Variants in SPAG16 observed in about 807,000 individuals in gnomAD.
The protein encoded by SPAG16 is sperm-associated antigen 16 protein.
Under a neutral mutation model 80.4 loss-of-function variants are expected in SPAG16, and 86 were observed. The observed-to-expected ratio is 1.07, with a 90% CI of 0.90 to 1.28. SPAG16 has a LOEUF of 1.28. Among genes scored for constraint, SPAG16 ranks in the 50% most tolerant of loss-of-function variants. The pLI is 0.00. For missense variants in SPAG16, 870 were observed against 765.3 expected (o/e 1.14, Z -1.61); for synonymous variants, 294 against 265.9 (o/e 1.11, Z -1.03).
At chr2:214,342,362 C>G (rs1188174174) in intron 15 of SPAG16, among the ~76,000 whole-genome samples, 1 of 152,154 alleles carries the variant, frequency 6.6e-6, no homozygotes, top group East Asian at 1.9e-4. Flanking sequence ...ACAGCTACTC[C>G]TGTATTTACA....
In SPAG16 at chr2:214,040,531, C is replaced by T. The variant is rs1004764434; in HGVS notation, c.1527+26454C>T. On this transcript the variant is annotated intron_variant, in intron 13 of 15. Coordinates refer to ENST00000331683, the MANE Select transcript of SPAG16 (RefSeq NM_024532.5). Reference sequence around the variant, plus strand: ...TTTAGCTCCCACTTATAAGTGAGAACATGTGGTATTTGGTTTTCTGTTCCT... The same window carrying T: ...TTTAGCTCCCACTTATAAGTGAGAATATGTGGTATTTGGTTTTCTGTTCCT... Among the ~76,000 whole-genome samples the T allele has an allele frequency of 2.6e-5, 4 of 152,116 alleles. No homozygotes were observed. In the South Asian group the frequency reaches 6.2e-4, roughly 24 times the overall value.
intron 13 of SPAG16, among the ~76,000 whole-genome samples, chr2:214,099,222 T>C (rs1238299044): frequency 6.6e-6 from 1 of 152,082 alleles, no homozygotes; most frequent in African/African-American, 2.4e-5. Flanking sequence ...GTGGTGACTT[T>C]TAAAATTCTC....
intron 15 of SPAG16, among the ~76,000 whole-genome samples, chr2:214,218,926 G>T (rs951145351): frequency 6.6e-6 from 1 of 152,140 alleles, no homozygotes; most frequent in Non-Finnish European, 1.5e-5. Flanking sequence ...TTGTTGAAAG[G>T]CTTGGGTTTT....
intron 11 of SPAG16, among the ~76,000 whole-genome samples, chr2:213,868,754 A>G (rs1189711971): frequency 1.3e-5 from 2 of 152,184 alleles, no homozygotes; most frequent in Non-Finnish European, 2.9e-5. Context: ...TCCCTGCCTG[A>G]GGCAGAAATA....
In SPAG16 at chr2:213,721,788, G is replaced by C. The variant is rs1574939998; in HGVS notation, c.1071-140697G>C. Among the ~76,000 whole-genome samples, 3 of 152,242 alleles carry C rather than the reference G, an allele frequency of 2.0e-5. 1 individual carries two copies. The South Asian group carries it at 6.2e-4, about 32-fold the overall frequency. ...TAATGTTGAAGTGCTAAGATTATCAGGGTATAATGCATTCATTATGTTAAT... is the reference window on the plus strand; with the variant it reads ...TAATGTTGAAGTGCTAAGATTATCACGGTATAATGCATTCATTATGTTAAT... On this transcript the variant is annotated intron_variant, in intron 10 of 15. Coordinates refer to ENST00000331683, the MANE Select transcript of SPAG16 (RefSeq NM_024532.5).
chr2:213,720,112 C>G (rs1025777377), intron 10 of SPAG16, among the ~76,000 whole-genome samples: 3 of 152,140 alleles, frequency 2.0e-5, no homozygotes, highest in Non-Finnish European at 4.4e-5. Flanking sequence ...CACATGTTCT[C>G]ACTCATAAGT....
At chr2:213,352,557 G>A (rs539558855) in intron 7 of SPAG16, among the ~76,000 whole-genome samples, 13 of 152,244 alleles carry the variant, frequency 8.5e-5, no homozygotes, top group African/African-American at 2.9e-4. Flanking sequence ...ATGGTTTAGT[G>A]GAAAGAGCTA....
chr2:214,181,441 G>A (rs1015075269), intron 15 of SPAG16, among the ~76,000 whole-genome samples: 5 of 151,688 alleles, frequency 3.3e-5, no homozygotes, highest in African/African-American at 7.3e-5. Flanking sequence ...AGCTTTAGAC[G>A]TAGCTTCCTA....
At chr2:213,765,608 T>C (rs1362755276) in intron 10 of SPAG16, among the ~76,000 whole-genome samples, 2 of 152,048 alleles carry the variant, frequency 1.3e-5, no homozygotes, top group Non-Finnish European at 2.9e-5. Context: ...TGTGTGTGTG[T>C]GTGTGTTATT....
At chr2:213,356,690 A>G (rs2065673977) in intron 7 of SPAG16, among the ~76,000 whole-genome samples, 1 of 152,124 alleles carries the variant, frequency 6.6e-6, no homozygotes. Flanking sequence ...TGATCTTTCA[A>G]AAAGCCAGCT....
intron 15 of SPAG16, among the ~76,000 whole-genome samples, chr2:214,375,798 T>A (rs879772058): frequency 7.3e-5 from 11 of 151,590 alleles, no homozygotes; most frequent in Non-Finnish European, 1.5e-4. Flanking sequence ...TTTTTTAACA[T>A]ATCTACAGTT....
chr2:213,633,425 C>T (rs1171062637), intron 10 of SPAG16, among the ~76,000 whole-genome samples: 2 of 152,052 alleles, frequency 1.3e-5, no homozygotes, highest in African/African-American at 4.8e-5. Context: ...CGTTTTAAGA[C>T]TTGTTTTATG....
intron 10 of SPAG16, among the ~76,000 whole-genome samples, chr2:213,591,720 C>T (rs2060698561): frequency 6.6e-6 from 1 of 152,038 alleles, no homozygotes; most frequent in South Asian, 2.1e-4. Flanking sequence ...GTGTGTGTGG[C>T]AAGGGGTCAG....
intron 11 of SPAG16, among the ~76,000 whole-genome samples, chr2:213,885,438 C>T (rs1195285001): frequency 6.6e-6 from 1 of 152,166 alleles, no homozygotes; most frequent in Non-Finnish European, 1.5e-5. Context: ...CTGATTTGTG[C>T]ACATTGATTT....
chr2:213,782,087 C>T (rs1346075071), intron 10 of SPAG16, among the ~76,000 whole-genome samples: 1 of 151,688 alleles, frequency 6.6e-6, no homozygotes, highest in Non-Finnish European at 1.5e-5. Context: ...TAATATATGC[C>T]AAAAATGAAA....
intron 15 of SPAG16, among the ~76,000 whole-genome samples, chr2:214,174,725 G>T (rs1559105165): frequency 6.6e-6 from 1 of 151,672 alleles, no homozygotes; most frequent in Admixed American, 6.6e-5. Flanking sequence ...GGATGGCAAA[G>T]GCTGTTCCAT....
chr2:214,127,550 T>C (rs899811090), intron 14 of SPAG16, among the ~76,000 whole-genome samples: 1 of 151,916 alleles, frequency 6.6e-6, no homozygotes. Context: ...TTTTCAATTG[T>C]GTTAAATCAA....
intron 15 of SPAG16, among the ~76,000 whole-genome samples, chr2:214,247,950 T>A (rs1689968213): frequency 1.3e-5 from 2 of 151,764 alleles, no homozygotes; most frequent in South Asian, 4.2e-4. Flanking sequence ...ATGGCTTGAG[T>A]CTAGGAGGTT....
rs1559430432 is a variant in SPAG16, at chr2:213,342,318, T to TATATATATTATATATATATG, written c.644+2049_644+2050insTATATATTATATATATATGA. Reference sequence around the variant, plus strand: ...ATATGACATATGTGTATATATATGTTACATATATGTGTATATATATATTAC... The same window carrying TATATATATTATATATATATG: ...ATATGACATATGTGTATATATATGTTATATATATTATATATATATGACATATATGTGTATATATATATTAC... On this transcript the variant is annotated intron_variant, in intron 6 of 15. Transcript: ENST00000331683. Among the ~76,000 whole-genome samples, 893 of 119,944 alleles carry TATATATATTATATATATATG rather than the reference T, an allele frequency of 7.4e-3. 17 individuals carry two copies. The highest frequency in any genetic ancestry group is 0.024 in the African/African-American group (835 of 34,134). 78.7% of individuals were successfully genotyped at this position (119,944 alleles called of 152,430 possible).
Sources: allele counts gnomAD v4.1 joint callset (sites outside exome capture counted in the v4.1 genomes callset), GRCh38; gene constraint gnomAD v4.1.1; transcripts MANE v1.5; gene names NCBI Gene and HGNC (gene_info 2026-07-23, HGNC 2026-07-21).